PTPN14: variants seen among roughly 807,000 people sequenced by gnomAD.
PTPN14 encodes tyrosine-protein phosphatase non-receptor type 14.
Under a neutral mutation model 126.8 loss-of-function variants are expected in PTPN14, and 53 were observed. The ratio of observed to expected loss-of-function variants is 0.42; its 90% CI spans 0.34 to 0.53. The LOEUF (loss-of-function observed/expected upper bound fraction) is 0.53. PTPN14 is among the 20% of genes least tolerant of loss of function. PTPN14 has a pLI of 0.08. For missense variants in PTPN14, 1,257 were observed against 1,552.9 expected (o/e 0.81, Z 3.20); for synonymous variants, 630 against 599.3 (o/e 1.05, Z -0.75).
chr1:214,528,362 A>T (rs921485709), intron 1 of PTPN14: 3 of 152,214 alleles, frequency 2.0e-5, no homozygotes, highest in Non-Finnish European at 4.4e-5. Context: ...ATTGTTAATT[A>T]TAACATACTA....
At chr1:214,431,276 T>C (rs1446518919) in intron 3 of PTPN14, among the ~76,000 whole-genome samples, 1 of 152,206 alleles carries the variant, frequency 6.6e-6, no homozygotes, top group African/African-American at 2.4e-5. Context: ...AAAGCAATCC[T>C]TTAGAAGGAT....
intron 1 of PTPN14, among the ~76,000 whole-genome samples, chr1:214,513,608 C>CCTAG (rs1655029451): frequency 6.6e-6 from 1 of 152,138 alleles, no homozygotes; most frequent in African/African-American, 2.4e-5. Context: ...ACTCTTCCTG[C>CCTAG]CTAGCCCCAT....
At chr1:214,377,377 G>T (rs750928187) in intron 14 of PTPN14, among the ~76,000 whole-genome samples, 1 of 152,200 alleles carries the variant, frequency 6.6e-6, no homozygotes, top group Non-Finnish European at 1.5e-5. Context: ...CTACCTGAGG[G>T]TGGAGGGTGG....
At chr1:214,397,762 A>T (rs1331258437) in intron 8 of PTPN14, 151 bp downstream of exon 8, 4 of 589,166 alleles carry the variant, frequency 6.8e-6, no homozygotes, top group Non-Finnish European at 1.2e-5. Flanking sequence ...TTAACTGCTT[A>T]AATCCTGCAG....
chr1:214,359,749 G>A (rs1379123072), intron 18 of PTPN14, among the ~76,000 whole-genome samples: 1 of 152,100 alleles, frequency 6.6e-6, no homozygotes, highest in African/African-American at 2.4e-5. Flanking sequence ...TCAAACTCCT[G>A]AGCTCAAGTA....
intron 3 of PTPN14, among the ~76,000 whole-genome samples, chr1:214,450,025 C>G (rs189066407): frequency 1.3e-4 from 20 of 151,864 alleles, no homozygotes; most frequent in Admixed American, 1.3e-3. Context: ...CCCAGCTACT[C>G]AGGAGGCTGA....
rs78681193 is a variant in PTPN14 at position 214,414,515 on chromosome 1, G to T, written c.442+114C>A. The T allele has an allele frequency of 1.6e-3, 1,428 of 919,158 alleles. 3 individuals are homozygous for T. Among genetic ancestry groups the T allele is most frequent in the Non-Finnish European group, 2.2e-3 (1,337 of 597,422 alleles). The allele number at this position is 919,158 out of a possible 1,614,324, so 56.9% of individuals were successfully genotyped here. ...ACGTAAGATAACTTGAAATAAAAAG[G>T]GAGCATTACTAAGGGATCATTTAAG... is the stretch of plus-strand genomic sequence containing the variant. On this transcript the variant is annotated intron_variant, in intron 4 of 18. Transcript: ENST00000366956.
chr1:214,507,186 A>G (rs1654865081), intron 1 of PTPN14, among the ~76,000 whole-genome samples: 1 of 152,220 alleles, frequency 6.6e-6, no homozygotes, highest in Non-Finnish European at 1.5e-5. Context: ...GTCAAAGGTA[A>G]GGAATGGTTA....
At chr1:214,425,979 T>C (rs1659652730) in intron 3 of PTPN14, among the ~76,000 whole-genome samples, 1 of 145,132 alleles carries the variant, frequency 6.9e-6, no homozygotes, top group African/African-American at 2.6e-5. Flanking sequence ...ATTACAACAT[T>C]GTGCCTGTGT....
rs1421990196 is a variant in PTPN14 at position 214,464,831 on chromosome 1, C to T, written c.-28G>A. ...CTATGTGGTCCTCGGACGCCGCCCG[C>T]CTATCCTGGCGCACACGCCCCTGAG... On this transcript the variant is annotated 5_prime_UTR_variant, in exon 2 of 19. Transcript: ENST00000366956. The T allele has an allele frequency of 6.2e-7, 1 of 1,609,386 alleles. No individual in the cohort carries two copies. Among genetic ancestry groups the T allele is most frequent in the Non-Finnish European group, 8.5e-7 (1 of 1,176,180 alleles).
At chr1:214,516,981 T>G (rs1655119146) in intron 1 of PTPN14, among the ~76,000 whole-genome samples, 1 of 152,166 alleles carries the variant, frequency 6.6e-6, no homozygotes, top group Admixed American at 6.5e-5. Flanking sequence ...TCACAGTTCA[T>G]GTTCCCTCTT....
intron 11 of PTPN14, among the ~76,000 whole-genome samples, chr1:214,387,584 C>G (rs1355280304): frequency 6.7e-6 from 1 of 149,784 alleles, no homozygotes; most frequent in South Asian, 2.1e-4. Context: ...GAGGCTGAGG[C>G]GTGAGAGTCG....
intron 2 of PTPN14, among the ~76,000 whole-genome samples, chr1:214,462,678 T>C (rs1385043209): frequency 6.6e-6 from 1 of 152,210 alleles, no homozygotes; most frequent in Non-Finnish European, 1.5e-5. Context: ...GGCCTACCCC[T>C]GCATTCTATT....
intron 1 of PTPN14, among the ~76,000 whole-genome samples, chr1:214,498,792 T>A (rs1281899096): frequency 1.3e-5 from 2 of 151,628 alleles, no homozygotes; most frequent in Non-Finnish European, 3.0e-5. Context: ...CCCTTTAAAA[T>A]TTTTTTTTCC....
chr1:214,491,101 A>C (rs765642579), intron 1 of PTPN14, among the ~76,000 whole-genome samples: 6 of 152,098 alleles, frequency 3.9e-5, no homozygotes, highest in Non-Finnish European at 8.8e-5. Context: ...CAAATTGCTT[A>C]ATATGGCATA....
In PTPN14 at chr1:214,364,894, C is replaced by A. The variant is rs901590729; in HGVS notation, c.3272-219G>T. Among the ~76,000 whole-genome samples, 1 of 151,786 alleles carries A rather than the reference C, an allele frequency of 6.6e-6. No individual in the cohort carries two copies. Among genetic ancestry groups the A allele is most frequent in the African/African-American group, 2.4e-5 (1 of 41,296 alleles). ...CAGTCCTGGATCCAGACAGGACCAG[C>A]TGGGAGTCAATTAGTTCGTGGGAGA... On this transcript the variant is annotated intron_variant, in intron 17 of 18. Transcript: ENST00000366956. This position sits in a 1 kb window ranked among gnomAD's most constrained non-coding sequence, Gnocchi z 4.1.
intron 3 of PTPN14, among the ~76,000 whole-genome samples, chr1:214,434,993 G>A (rs922185337): frequency 1.3e-5 from 2 of 152,188 alleles, no homozygotes; most frequent in African/African-American, 4.8e-5. Context: ...CACAAGAGGA[G>A]AATCTGTACA....
At chr1:214,485,221 A>G (rs764572406) in intron 1 of PTPN14, among the ~76,000 whole-genome samples, 2 of 152,190 alleles carry the variant, frequency 1.3e-5, no homozygotes, top group South Asian at 4.1e-4. Context: ...ATTATTGAGC[A>G]CTTACTGTGT....
chr1:214,370,969 A>T (rs1170705976), intron 16 of PTPN14, among the ~76,000 whole-genome samples: 2 of 152,218 alleles, frequency 1.3e-5, no homozygotes, highest in Non-Finnish European at 2.9e-5. Context: ...ATTTGGTTTA[A>T]TTGAGTCTCC....
Sources: gnomAD v4.1 joint callset for allele counts (sites outside exome capture counted in the v4.1 genomes callset) on GRCh38, gnomAD v4.1.1 for gene constraint, Gnocchi (gnomAD v3.1) non-coding constraint, MANE v1.5 for transcripts, NCBI Gene and HGNC (gene_info 2026-07-23, HGNC 2026-07-21) for gene names.